ZNF254: variants seen among roughly 807,000 people sequenced by gnomAD.
ZNF254 encodes CTD-2017D11.1.
Under a neutral mutation model 12.4 loss-of-function variants are expected in ZNF254, and 10 were observed. That is an observed-to-expected ratio of 0.80 (90% CI 0.50 to 1.36). The LOEUF (loss-of-function observed/expected upper bound fraction) is 1.36. ZNF254 is among the 40% of genes most tolerant of loss of function. ZNF254 has a pLI of 0.00. For missense variants in ZNF254, 996 were observed against 763.9 expected (o/e 1.30, Z -3.58); for synonymous variants, 305 against 253.4 (o/e 1.20, Z -1.93).
chr19:24,098,261 CATA>C (rs781729719), intron 1 of ZNF254, among the ~76,000 whole-genome samples: 1 of 152,064 alleles, frequency 6.6e-6, no homozygotes, highest in Non-Finnish European at 1.5e-5. Context: ...TATAAGTAAG[CATA>C]ATGTTAGTGT....
intron 2 of ZNF254, among the ~76,000 whole-genome samples, chr19:24,063,010 A>C (rs1396426102): frequency 6.8e-6 from 1 of 147,858 alleles, no homozygotes; most frequent in African/African-American, 2.4e-5. Flanking sequence ...CATGTTGGTC[A>C]GGCTGGTCTT....
rs543234814 is a variant in ZNF254, at chr19:24,126,994, A to T, written c.994A>T (p.Ile332Leu). 3.1e-6 allele frequency: 5 copies of T among 1,613,672 alleles called. No homozygotes were observed. The highest frequency in any genetic ancestry group is 4.2e-6 in the Non-Finnish European group (5 of 1,179,816). Residue 332 changes from isoleucine to leucine, a missense_variant, in exon 4 of 4, where the codon ATA becomes TTA. Transcript: ENST00000357002. ...YKCEECGKAFIWSSTLTRHKR... is the reference protein window; with the variant it reads ...YKCEECGKAFLWSSTLTRHKR... ...GTGTGAAGAATGTGGCAAAGCATTTATATGGTCCTCAACACTAACTAGACA... is the reference window on the plus strand; with the variant it reads ...GTGTGAAGAATGTGGCAAAGCATTTTTATGGTCCTCAACACTAACTAGACA...
At chr19:24,097,503 C>T (rs1309548902) in intron 1 of ZNF254, among the ~76,000 whole-genome samples, 3 of 152,046 alleles carry the variant, frequency 2.0e-5, no homozygotes, top group East Asian at 1.9e-4. Flanking sequence ...AGTTTATGGC[C>T]GGACGTGGTG....
chr19:24,127,611 G>A lies in ZNF254; in HGVS notation c.1611G>A (p.Lys537=), dbSNP rs12611425. Residue 537 remains lysine, a synonymous_variant, in exon 4 of 4, where the codon AAG becomes AAA. Transcript: ENST00000357002. ...FNWSSTLTKH[K]IIHTEEKPYK... ...GGTCCTCAACTCTTACTAAACATAA[G>A]ATAATTCATACTGAAGAGAAACCCT... is the stretch of plus-strand genomic sequence containing the variant. 3.7e-6 allele frequency: 6 copies of A among 1,613,444 alleles called. No homozygotes were observed. The African/African-American group carries it at 8.0e-5, about 22-fold the overall frequency.
intron 3 of ZNF254, among the ~76,000 whole-genome samples, chr19:24,125,644 T>A (rs1568474659): frequency 7.9e-5 from 12 of 152,196 alleles, no homozygotes. Context: ...AAATTTTATT[T>A]TTATTATTTA....
At chr19:24,066,995 C>T (rs1331120131) in intron 2 of ZNF254, 1 of 152,162 alleles carries the variant, frequency 6.6e-6, no homozygotes, top group Non-Finnish European at 1.5e-5. Context: ...TCTCTGCCCC[C>T]AGGAAGAATT....
chr19:24,110,530 C>T (rs538742331), intron 3 of ZNF254, among the ~76,000 whole-genome samples: 2 of 151,338 alleles, frequency 1.3e-5, no homozygotes, highest in South Asian at 2.1e-4. Flanking sequence ...TGTGCCATTG[C>T]GTGCAAGCTT....
intron 2 of ZNF254, among the ~76,000 whole-genome samples, chr19:24,055,641 C>T (rs146113639): frequency 5.3e-5 from 8 of 152,258 alleles, no homozygotes; most frequent in African/African-American, 1.9e-4. Flanking sequence ...CTCACATAAA[C>T]ACAGCCCACT....
intron 3 of ZNF254, among the ~76,000 whole-genome samples, chr19:24,116,974 G>A (rs1384230926): frequency 3.3e-5 from 5 of 152,272 alleles, no homozygotes; most frequent in African/African-American, 1.2e-4. Context: ...GACCCTATTT[G>A]CTTGGGTGTC....
Position 24,129,043 on chromosome 19 carries a change from T to C in ZNF254, c.*1063T>C, listed in dbSNP as rs1323597101. Reference sequence around the variant, plus strand: ...TGAGATTCTTTTTTATTAGGCATTATTTATGACCTTTTCTATGAAAAGATA... The same window carrying C: ...TGAGATTCTTTTTTATTAGGCATTACTTATGACCTTTTCTATGAAAAGATA... On this transcript the variant is annotated 3_prime_UTR_variant, in exon 4 of 4. Coordinates refer to ENST00000357002, the MANE Select transcript of ZNF254 (RefSeq NM_203282.4). 1 of 152,014 alleles carries C rather than the reference T, an allele frequency of 6.6e-6. No individual in the cohort carries two copies. The highest frequency in any genetic ancestry group is 1.5e-5 in the Non-Finnish European group (1 of 67,894). 9.4% of individuals were successfully genotyped at this position (152,014 alleles called of 1,614,324 possible). A position where few individuals can be genotyped will look rare whatever the true frequency, so the allele number is the denominator to read the frequency against.
At chr19:24,117,000 A>C (rs1046440988) in intron 3 of ZNF254, among the ~76,000 whole-genome samples, 10 of 152,150 alleles carry the variant, frequency 6.6e-5, no homozygotes, top group Non-Finnish European at 1.3e-4. Context: ...CAGTGGCTGC[A>C]GAACAGCTGA....
intron 3 of ZNF254, 40 bp downstream of exon 3, chr19:24,106,683 G>A (rs1038030549): frequency 2.0e-6 from 3 of 1,494,376 alleles, no homozygotes; most frequent in Non-Finnish European, 2.7e-6. Context: ...TGGATGAGAG[G>A]TCCAAAGTCA....
In ZNF254 at chr19:24,054,291, G is replaced by A. The variant is rs116834170; in HGVS notation, c.-94+8012G>A. On this transcript the variant is annotated intron_variant, in intron 2 of 4. Transcript: ENST00000613065. ...GTGAGATACCTTGGCTGAAATCCCAGGTGATGTAACTCTCTTGCTAACTCC... is the reference window on the plus strand; with the variant it reads ...GTGAGATACCTTGGCTGAAATCCCAAGTGATGTAACTCTCTTGCTAACTCC... Among the ~76,000 whole-genome samples, 448 of 152,204 alleles carry A rather than the reference G, an allele frequency of 2.9e-3. 1 individual carries two copies. Among genetic ancestry groups the A allele is most frequent in the African/African-American group, 0.01 (433 of 41,530 alleles).
At chr19:24,120,620 A>G (rs749573095) in intron 3 of ZNF254, among the ~76,000 whole-genome samples, 24 of 151,786 alleles carry the variant, frequency 1.6e-4, no homozygotes, top group Non-Finnish European at 8.8e-5. Flanking sequence ...GTATTATTTT[A>G]TTTTTAAATA....
intron 1 of ZNF254, among the ~76,000 whole-genome samples, chr19:24,089,509 C>T (rs1322056172): frequency 1.3e-5 from 2 of 151,898 alleles, no homozygotes; most frequent in Admixed American, 6.6e-5. Context: ...AGTCACCATT[C>T]GGTTTTCTTG....
At chr19:24,090,265 C>T (rs565934447) in intron 1 of ZNF254, among the ~76,000 whole-genome samples, 5 of 152,050 alleles carry the variant, frequency 3.3e-5, no homozygotes, top group South Asian at 2.1e-4. Context: ...GAGTAAAATG[C>T]GCCTGAGACA....
In ZNF254 at chr19:24,126,740, C is replaced by G; in HGVS notation, c.740C>G (p.Pro247Arg). ...PYKCEEYNKS[P>R]KQLSTLTTHE... Reference sequence around the variant, plus strand: ...AAATGTGAAGAATATAACAAATCTCCTAAGCAACTCTCAACCCTTACTACA... The same window carrying G: ...AAATGTGAAGAATATAACAAATCTCGTAAGCAACTCTCAACCCTTACTACA... The change falls in exon 4 of 4, where the codon CCT becomes CGT. Residue 247 changes from proline to arginine, a missense_variant. Pro to Arg is a moderately radical substitution (Grantham distance 103, BLOSUM62 -2). Coordinates refer to ENST00000357002, the MANE Select transcript of ZNF254 (RefSeq NM_203282.4). The G allele has an allele frequency of 1.2e-6, 2 of 1,613,154 alleles. No individual in the cohort carries two copies. The highest frequency in any genetic ancestry group is 1.7e-6 in the Non-Finnish European group (2 of 1,179,688).
intron 3 of ZNF254, among the ~76,000 whole-genome samples, chr19:24,114,121 C>A (rs1051191220): frequency 6.6e-6 from 1 of 151,892 alleles, no homozygotes; most frequent in Non-Finnish European, 1.5e-5. Context: ...TTTATAGATT[C>A]AATGCCATCC....
At chr19:24,062,796 A>T (rs1971124543) in intron 2 of ZNF254, among the ~76,000 whole-genome samples, 1 of 151,924 alleles carries the variant, frequency 6.6e-6, no homozygotes, top group Admixed American at 6.6e-5. Context: ...AACTTCACTA[A>T]GGAGCATAAT....
Sources: allele counts gnomAD v4.1 joint callset (sites outside exome capture counted in the v4.1 genomes callset), GRCh38; gene constraint gnomAD v4.1.1; transcripts MANE v1.5; gene names NCBI Gene and HGNC (gene_info 2026-07-23, HGNC 2026-07-21).